The following FDFT1 variants were observed in gnomAD, a reference collection of about 807,000 sequenced individuals.
FDFT1 encodes the protein squalene synthase.
In FDFT1, 68 loss-of-function variants were observed where a neutral mutation model predicts 46.8. The ratio of observed to expected loss-of-function variants is 1.45; its 90% CI spans 1.19 to 1.78. The LOEUF (loss-of-function observed/expected upper bound fraction) is 1.78, where lower values mean the gene tolerates loss of function less well. Among genes scored for constraint, FDFT1 ranks in the 40% most tolerant of loss-of-function variants. The pLI is 0.00. For synonymous variants in FDFT1, 351 were observed against 185.1 expected (o/e 1.90, Z -7.28); for missense variants, 928 against 524.4 (o/e 1.77, Z -7.52).
intron 7 of FDFT1, among the ~76,000 whole-genome samples, chr8:11,834,393 C>T (rs916283344): frequency 1.3e-5 from 2 of 152,208 alleles, no homozygotes; most frequent in African/African-American, 4.8e-5. Context: ...AACCCCCATT[C>T]CCCTCTCTGC....
At chr8:11,809,280 C>G in intron 2 of FDFT1, 1 of 1,100,716 alleles carries the variant, frequency 9.1e-7, no homozygotes, top group Non-Finnish European at 1.1e-6. Context: ...TGAACTTAGA[C>G]CAGTTGCCTT....
At chr8:11,813,931 G>A (rs1269122139) in intron 3 of FDFT1, among the ~76,000 whole-genome samples, 2 of 152,174 alleles carry the variant, frequency 1.3e-5, no homozygotes, top group African/African-American at 2.4e-5. Context: ...TGGGGAAAAC[G>A]TGGACCCCTT....
At chr8:11,812,039 A>G (rs192894001) in intron 3 of FDFT1, among the ~76,000 whole-genome samples, 10 of 152,324 alleles carry the variant, frequency 6.6e-5, no homozygotes, top group Admixed American at 3.3e-4. Context: ...TGGAACAAGT[A>G]GTGTGAAAGA....
At chr8:11,804,331 T>C (rs1806527973) in intron 1 of FDFT1, among the ~76,000 whole-genome samples, 1 of 152,208 alleles carries the variant, frequency 6.6e-6, no homozygotes, top group Non-Finnish European at 1.5e-5. Flanking sequence ...AGCATTGGTT[T>C]CCTGTTGGGA....
chr8:11,823,342 C>G (rs1394749427), intron 4 of FDFT1, among the ~76,000 whole-genome samples: 1 of 152,060 alleles, frequency 6.6e-6, no homozygotes, highest in Non-Finnish European at 1.5e-5. Context: ...GAACTATTAT[C>G]TTCAAATATA....
chr8:11,820,752 G>A (rs1809120625), intron 3 of FDFT1, among the ~76,000 whole-genome samples: 2 of 152,206 alleles, frequency 1.3e-5, no homozygotes, highest in Non-Finnish European at 2.9e-5. Context: ...AGAGTATACT[G>A]TTCCTCCAGG....
chr8:11,808,462 C>G (rs1261278934), intron 1 of FDFT1: 2 of 1,269,678 alleles, frequency 1.6e-6, no homozygotes, highest in African/African-American at 1.5e-5. Flanking sequence ...TCGTCGGGCG[C>G]TTCCCAGATC....
At chr8:11,822,840 ACTT>A (rs972819481) in intron 4 of FDFT1, among the ~76,000 whole-genome samples, 6 of 152,082 alleles carry the variant, frequency 3.9e-5, no homozygotes, top group African/African-American at 1.4e-4. Context: ...TGAAGTTAAA[ACTT>A]CTGGCCAAGA....
intron 3 of FDFT1, among the ~76,000 whole-genome samples, chr8:11,820,099 C>T (rs180783118): frequency 5.9e-5 from 9 of 152,230 alleles, no homozygotes; most frequent in South Asian, 4.1e-4. Flanking sequence ...AACAGAGGCC[C>T]GTCAGCTGCA....
intron 7 of FDFT1, among the ~76,000 whole-genome samples, chr8:11,834,515 C>G (rs887094255): frequency 7.2e-5 from 11 of 152,186 alleles, no homozygotes; most frequent in African/African-American, 2.7e-4. Context: ...AGGTGCCTAG[C>G]TGCTCAAGGA....
chr8:11,831,613 G>T lies in FDFT1; in HGVS notation c.975G>T (p.Met325Ile), dbSNP rs1448891084. The T allele has an allele frequency of 6.2e-7, 1 of 1,614,066 alleles. No individual in the cohort carries two copies. The change falls in exon 7 of 8, where the codon ATG (methionine) becomes ATT (isoleucine). Residue 325 changes from methionine to isoleucine, a missense_variant. Transcript: ENST00000220584. ...KIRKGQAVTL[M>I]MDATNMPAVK... ...GGAAAGGGCAAGCAGTGACCCTGAT[G>T]ATGGATGCCACCAATATGCCAGCTG...
intron 3 of FDFT1, among the ~76,000 whole-genome samples, chr8:11,811,251 G>C (rs1237903225): frequency 1.3e-5 from 2 of 152,198 alleles, no homozygotes; most frequent in African/African-American, 2.4e-5. Flanking sequence ...GCGATTCATT[G>C]ATGGGCCTCT....
chr8:11,826,328 C>T, intron 5 of FDFT1, 113 bp downstream of exon 5: 4 of 711,068 alleles, frequency 5.6e-6, no homozygotes, highest in Non-Finnish European at 6.8e-6. Flanking sequence ...CCCCAGGCAG[C>T]ATAAGGGGAT....
At position 11,826,171 on chromosome 8, in the gene FDFT1, T is replaced by C; in HGVS notation, c.658T>C (p.Tyr220His). The change falls in exon 5 of 8, where the codon TAT becomes CAT. Residue 220 changes from tyrosine to histidine, a missense_variant. Transcript: ENST00000220584. ...GCAGAAAACAAACATCATCCGTGAC[T>C]ATCTGGAAGACCAGCAAGGAGGAAG... is the stretch of plus-strand genomic sequence containing the variant. ...FLQKTNIIRDYLEDQQGGREF... is the reference protein window; with the variant it reads ...FLQKTNIIRDHLEDQQGGREF... The C allele has an allele frequency of 2.5e-6, 4 of 1,591,960 alleles. No homozygotes were observed. The highest frequency in any genetic ancestry group is 3.4e-6 in the Non-Finnish European group (4 of 1,163,454).
intron 3 of FDFT1, among the ~76,000 whole-genome samples, chr8:11,815,508 T>G (rs185804151): frequency 3.2e-4 from 49 of 152,346 alleles, no homozygotes; most frequent in South Asian, 1.7e-3. Flanking sequence ...TAGTCCTGTT[T>G]CTCCACATCC....
rs531759815 is a variant in FDFT1 at position 11,832,551 on chromosome 8, C to CAAAAAAAAAAAAAAAAAAAAA, written c.1032+886_1032+906dup. ...TGGGTGATAGAGTGAGACTTTGTCT[C>CAAAAAAAAAAAAAAAAAAAAA]AAAAAAAAAAAAAAAAAAAAAAAAA... is the stretch of plus-strand genomic sequence containing the variant. On this transcript the variant is annotated intron_variant, in intron 7 of 7. Transcript: ENST00000220584. Among the ~76,000 whole-genome samples the CAAAAAAAAAAAAAAAAAAAAA allele has an allele frequency of 7.1e-4, 26 of 36,372 alleles. 6 individuals carry two copies. Among genetic ancestry groups the CAAAAAAAAAAAAAAAAAAAAA allele is most frequent in the East Asian group, 4.5e-3 (5 of 1,122 alleles). The allele number at this position is 36,372 out of a possible 152,430, so 23.9% of individuals were successfully genotyped here. A position where few individuals can be genotyped will look rare whatever the true frequency, so the allele number is the denominator to read the frequency against.
intron 5 of FDFT1, among the ~76,000 whole-genome samples, chr8:11,830,039 G>A (rs1449103069): frequency 6.6e-6 from 1 of 151,994 alleles, no homozygotes; most frequent in Admixed American, 6.6e-5. Flanking sequence ...GTAGACACAG[G>A]GTTTCACCAC....
intron 7 of FDFT1, among the ~76,000 whole-genome samples, chr8:11,834,369 G>C (rs562541401): frequency 3.9e-5 from 6 of 152,340 alleles, no homozygotes; most frequent in Admixed American, 1.3e-4. Flanking sequence ...TAAATGCTCA[G>C]CCAAACGGCC....
intron 3 of FDFT1, among the ~76,000 whole-genome samples, chr8:11,816,597 T>G (rs907597814): frequency 6.6e-6 from 1 of 152,212 alleles, no homozygotes. Flanking sequence ...CCTTGTAAGT[T>G]GGATTCCTAG....
Sources: gnomAD v4.1 joint callset for allele counts (sites outside exome capture counted in the v4.1 genomes callset) on GRCh38, gnomAD v4.1.1 for gene constraint, MANE v1.5 for transcripts, NCBI Gene and HGNC (gene_info 2026-07-23, HGNC 2026-07-21) for gene names.